Variants in PRDM5 observed in about 807,000 individuals in gnomAD.
The protein encoded by PRDM5 is PR/SET domain 5, also known as PR domain zinc finger protein 5.
A neutral mutation model predicts 81.2 loss-of-function variants in PRDM5; 56 were observed. The ratio of observed to expected loss-of-function variants is 0.69; its 90% confidence interval spans 0.56 to 0.86. The LOEUF is 0.86. PRDM5 is among the 40% of genes least tolerant of loss of function. The pLI, the probability that PRDM5 is intolerant of heterozygous loss-of-function variation, is 0.00. For synonymous variants in PRDM5, 267 were observed against 256.4 expected (o/e 1.04, Z -0.39); for missense variants, 697 against 770.1 (o/e 0.91, Z 1.12).
chr4:120,684,708 T>C (rs1733772862), downstream of PRDM5, among the ~76,000 whole-genome samples: 1 of 152,034 alleles, frequency 6.6e-6, no homozygotes, highest in Non-Finnish European at 1.5e-5. Context: ...TTATAATATT[T>C]CACTACTGTT....
At chr4:120,841,742 G>A (rs1248887625) in intron 3 of PRDM5, among the ~76,000 whole-genome samples, 1 of 152,074 alleles carries the variant, frequency 6.6e-6, no homozygotes, top group Non-Finnish European at 1.5e-5. Context: ...ACACGTACAT[G>A]GTTGTTAGTT....
intron 2 of PRDM5, among the ~76,000 whole-genome samples, chr4:120,873,762 G>C (rs547622096): frequency 2.6e-4 from 39 of 152,194 alleles, no homozygotes; most frequent in African/African-American, 9.2e-4. Context: ...TTCCCCACTA[G>C]GGGCTTCATT....
chr4:120,785,232 C>A, intron 10 of PRDM5, 141 bp from the exon 11 acceptor site: 2 of 678,428 alleles, frequency 2.9e-6, no homozygotes, highest in South Asian at 1.7e-5. Flanking sequence ...CATTCTTCCA[C>A]CGTAAAATTG....
At chr4:120,839,414 C>A in intron 3 of PRDM5, 1 of 644,650 alleles carries the variant, frequency 1.6e-6, no homozygotes, top group Non-Finnish European at 2.8e-6. Flanking sequence ...AGCATTCAGG[C>A]TGCTAGCAGA....
rs1395582556 is a variant in PRDM5, at chr4:120,816,435, C to G, written c.865+18G>C. 1 of 1,614,030 alleles carries G rather than the reference C, an allele frequency of 6.2e-7. No individual in the cohort carries two copies. Among genetic ancestry groups the G allele is most frequent in the East Asian group, 2.2e-5 (1 of 44,892 alleles). On this transcript the variant is annotated intron_variant, in intron 7 of 15. Transcript: ENST00000264808. ...GAAAGGAAGCCCCTTCGGAAACGACCCTCCAACGACTCCTCACCAGTGTGG... is the reference window on the plus strand; with the variant it reads ...GAAAGGAAGCCCCTTCGGAAACGACGCTCCAACGACTCCTCACCAGTGTGG...
At chr4:120,919,107 C>T (rs1478732909) in intron 1 of PRDM5, among the ~76,000 whole-genome samples, 1 of 152,198 alleles carries the variant, frequency 6.6e-6, no homozygotes, top group Admixed American at 6.5e-5. Flanking sequence ...GCTCTCTGCT[C>T]AGAAGTCATT....
At chr4:120,808,333 A>G (rs185654306) in intron 8 of PRDM5, among the ~76,000 whole-genome samples, 2 of 152,272 alleles carry the variant, frequency 1.3e-5, no homozygotes, top group African/African-American at 4.8e-5. Context: ...AGCTAGATAC[A>G]GAGTGTGGAC....
chr4:120,818,400 G>C lies in PRDM5; in HGVS notation c.603C>G (p.Cys201Trp), dbSNP rs757019432. 44 of 1,614,038 alleles carry C rather than the reference G, an allele frequency of 2.7e-5. No homozygotes were observed. The highest frequency in any genetic ancestry group is 3.7e-5 in the Non-Finnish European group (44 of 1,179,954). ...CTGGGAATTTCTTCCCACAGTTCTTGCACTTAAATTCTTTCTCCTCTGTGG... is the reference window on the plus strand; with the variant it reads ...CTGGGAATTTCTTCCCACAGTTCTTCCACTTAAATTCTTTCTCCTCTGTGG... Reference protein sequence around the residue: ...QKPTEEKEFKCKNCGKKFPVK... With the variant: ...QKPTEEKEFKWKNCGKKFPVK... Residue 201 changes from cysteine to tryptophan, a missense_variant, in exon 5 of 16, where the codon TGC becomes TGG. Coordinates refer to ENST00000264808, the MANE Select transcript of PRDM5 (RefSeq NM_018699.4).
chr4:120,839,418 T>G (rs1258267977), intron 3 of PRDM5: 4 of 642,268 alleles, frequency 6.2e-6, no homozygotes, highest in African/African-American at 1.8e-5. Context: ...TTCAGGCTGC[T>G]AGCAGAGAAG....
chr4:120,778,532 C>A (rs930368116), intron 12 of PRDM5, among the ~76,000 whole-genome samples: 1 of 151,956 alleles, frequency 6.6e-6, no homozygotes. Flanking sequence ...ATTTAATTAG[C>A]GAATTTGCAT....
At chr4:120,706,194 C>CT (rs34881515) in intron 15 of PRDM5, among the ~76,000 whole-genome samples, 33,148 of 151,724 alleles carry the variant, frequency 0.22, 3,885 homozygotes, top group Non-Finnish European at 0.28. Context: ...AGAATCTTGA[C>CT]TGCTGTGAAC....
At chr4:120,722,941 C>G (rs2149062683) in intron 14 of PRDM5, among the ~76,000 whole-genome samples, 1 of 152,302 alleles carries the variant, frequency 6.6e-6, no homozygotes, top group African/African-American at 2.4e-5. Context: ...GAGCTATTAA[C>G]CAACCATGGA....
chr4:120,846,269 AAAAGC>A (rs538627021), intron 3 of PRDM5, among the ~76,000 whole-genome samples: 29 of 152,240 alleles, frequency 1.9e-4, no homozygotes, highest in Non-Finnish European at 4.3e-4. Context: ...AATGCTATCA[AAAAGC>A]AAAGCATGCT....
intron 1 of PRDM5, among the ~76,000 whole-genome samples, chr4:120,908,080 G>T (rs775238984): frequency 3.7e-4 from 57 of 152,326 alleles, no homozygotes; most frequent in Middle Eastern, 3.4e-3. Flanking sequence ...TTTAAACCAT[G>T]CTTTCTTGAA....
chr4:120,707,997 A>G (rs1020221692), intron 15 of PRDM5, among the ~76,000 whole-genome samples: 4 of 152,148 alleles, frequency 2.6e-5, no homozygotes, highest in Non-Finnish European at 4.4e-5. Flanking sequence ...AATTAAATAA[A>G]AAAAAAGTGT....
At chr4:120,874,282 A>G (rs1762130297) in intron 2 of PRDM5, among the ~76,000 whole-genome samples, 1 of 152,232 alleles carries the variant, frequency 6.6e-6, no homozygotes, top group Non-Finnish European at 1.5e-5. Context: ...AGCAGCTTCT[A>G]TTATTGAAGT....
At chr4:120,904,047 A>G (rs1286085075) in intron 2 of PRDM5, among the ~76,000 whole-genome samples, 3 of 151,714 alleles carry the variant, frequency 2.0e-5, no homozygotes, top group African/African-American at 7.3e-5. Context: ...AAAATTAGCC[A>G]GGTGTGGTGG....
rs1440891345 is a variant in PRDM5, at chr4:120,693,304, G to A, written c.*1807C>T. 1.3e-5 allele frequency: 2 copies of A among 151,966 alleles called. No individual in the cohort carries two copies. The highest frequency in any genetic ancestry group is 2.9e-5 in the Non-Finnish European group (2 of 67,978). The allele number at this position is 151,966 out of a possible 1,614,324, so 9.4% of individuals were successfully genotyped here. A position where few individuals can be genotyped will look rare whatever the true frequency, so the allele number is the denominator to read the frequency against. On this transcript the variant is annotated 3_prime_UTR_variant, in exon 16 of 16. Transcript: ENST00000264808. ...AAGCAGCATTCAAAGAAATATACAG[G>A]ATGTGCTTAAATAATACACACTATC...
chr4:120,884,705 G>C (rs1472723056), intron 2 of PRDM5, among the ~76,000 whole-genome samples: 4 of 152,098 alleles, frequency 2.6e-5, no homozygotes, highest in Non-Finnish European at 4.4e-5. Context: ...CACTACTTCT[G>C]AGTGTACACC....
Sources: allele counts gnomAD v4.1 joint callset (sites outside exome capture counted in the v4.1 genomes callset), GRCh38; gene constraint gnomAD v4.1.1; transcripts MANE v1.5; gene names NCBI Gene and HGNC (gene_info 2026-07-23, HGNC 2026-07-21).